Variants in TAF15 observed in about 807,000 individuals in gnomAD.
TAF15 encodes the protein TATA-binding protein-associated factor 2N.
A neutral mutation model predicts 102.5 loss-of-function variants in TAF15; 37 were observed. The ratio of observed to expected loss-of-function variants is 0.36; its 90% confidence interval spans 0.28 to 0.47. TAF15 has a LOEUF of 0.47. Ranked by LOEUF, TAF15 falls within the 20% of genes least tolerant of loss-of-function variation. TAF15 has a pLI of 0.99. For missense variants in TAF15, 652 were observed against 760.7 expected (o/e 0.86, Z 1.68); for synonymous variants, 273 against 259.2 (o/e 1.05, Z -0.51).
chr17:35,830,722 A>G (rs1266202850), intron 7 of TAF15, among the ~76,000 whole-genome samples: 1 of 152,258 alleles, frequency 6.6e-6, no homozygotes, highest in African/African-American at 2.4e-5. Flanking sequence ...ATCTAGATCA[A>G]TGCCTAAACC....
chr17:35,825,979 G>C (rs1387479895), intron 7 of TAF15, among the ~76,000 whole-genome samples: 1 of 151,856 alleles, frequency 6.6e-6, no homozygotes, highest in African/African-American at 2.4e-5. Context: ...AAAAAAAAAT[G>C]TATTTTCATT....
At position 35,845,021 on chromosome 17, in the gene TAF15, A is replaced by G. The variant is rs1199777076; in HGVS notation, c.1722A>G (p.Gly574=). The change falls in exon 15 of 16, where the codon GGA becomes GGG. Residue 574 remains glycine, a synonymous_variant. Transcript: ENST00000605844. ...GGYGGDRGGY[G]GKMGGRNDYR... ...ACGGAGGAGACCGAGGTGGCTATGG[A>G]GGCAAAATGGGAGGAAGGTGAGTAT... is the stretch of plus-strand genomic sequence containing the variant. The G allele has an allele frequency of 2.5e-6, 4 of 1,613,726 alleles. No homozygotes were observed. In the Admixed American group the frequency reaches 5.0e-5, roughly 20 times the overall value.
intron 7 of TAF15, among the ~76,000 whole-genome samples, chr17:35,832,046 T>C (rs562663049): frequency 1.3e-5 from 2 of 152,126 alleles, no homozygotes; most frequent in Non-Finnish European, 2.9e-5. Context: ...CCACTGCACT[T>C]CAGCCTGGGC....
At position 35,832,812 on chromosome 17, in the gene TAF15, C is replaced by T. The variant is rs192289838; in HGVS notation, c.606-1095C>T. 1.6e-4 allele frequency among the ~76,000 whole-genome samples: 24 copies of T among 152,150 alleles called. No individual in the cohort carries two copies. The East Asian group carries it at 3.9e-3, about 24-fold the overall frequency. ...GATAAGAGAGACCTTAGATTTCTTA[C>T]GTAAAGCCATGTTCACAAGGACCAC... is the stretch of plus-strand genomic sequence containing the variant. On this transcript the variant is annotated intron_variant, in intron 7 of 15. Coordinates refer to ENST00000605844, the MANE Select transcript of TAF15 (RefSeq NM_139215.3).
intron 1 of TAF15, among the ~76,000 whole-genome samples, chr17:35,813,037 G>T (rs987592237): frequency 2.1e-5 from 3 of 144,214 alleles, no homozygotes; most frequent in African/African-American, 7.8e-5. Flanking sequence ...TGAGGCACCA[G>T]AATTGGTTGA....
At chr17:35,814,870 G>T (rs1168034527) in intron 1 of TAF15, among the ~76,000 whole-genome samples, 5 of 150,712 alleles carry the variant, frequency 3.3e-5, no homozygotes, top group Non-Finnish European at 7.4e-5. Context: ...AAAAGTGTGT[G>T]TGTATATATA....
At chr17:35,837,336 T>TA (rs900477514) in intron 10 of TAF15, among the ~76,000 whole-genome samples, 5 of 150,668 alleles carry the variant, frequency 3.3e-5, no homozygotes, top group African/African-American at 1.2e-4. Flanking sequence ...TTTTTTTTTT[T>TA]AGAGATGGAG....
Position 35,809,566 on chromosome 17 carries a change from A to T in TAF15, c.-4A>T. 1 of 1,613,370 alleles carries T rather than the reference A, an allele frequency of 6.2e-7. No homozygotes were observed. Among genetic ancestry groups the T allele is most frequent in the South Asian group, 1.1e-5 (1 of 91,066 alleles). ...GTGGGGCCTCCGCGCCGCGGCCGTTAGTCATGTCGGGTAGGTGACTTCTTC... is the reference window on the plus strand; with the variant it reads ...GTGGGGCCTCCGCGCCGCGGCCGTTTGTCATGTCGGGTAGGTGACTTCTTC... On this transcript the variant is annotated 5_prime_UTR_variant, in exon 1 of 16. Transcript: ENST00000605844.
rs183210484 is a variant in TAF15, at chr17:35,841,769, C to T, written c.914-598C>T. On this transcript the variant is annotated intron_variant, in intron 11 of 15. Transcript: ENST00000605844. Reference sequence around the variant, plus strand: ...CTAGTACACAGTGGCACGAAGATAGCTCACTGCAGCCTTGAATTCCCAGGC... The same window carrying T: ...CTAGTACACAGTGGCACGAAGATAGTTCACTGCAGCCTTGAATTCCCAGGC... Among the ~76,000 whole-genome samples the T allele has an allele frequency of 2.7e-3, 408 of 150,964 alleles. 1 individual carries two copies. The highest frequency in any genetic ancestry group is 4.3e-3 in the Non-Finnish European group (291 of 67,908).
intron 7 of TAF15, among the ~76,000 whole-genome samples, chr17:35,831,893 C>T (rs1307310716): frequency 6.6e-6 from 1 of 151,400 alleles, no homozygotes; most frequent in South Asian, 2.1e-4. Flanking sequence ...CCATCCTGGC[C>T]AACACAGTGA....
intron 12 of TAF15, 145 bp downstream of exon 12, chr17:35,842,604 G>T: frequency 1.5e-6 from 1 of 662,312 alleles, no homozygotes; most frequent in Non-Finnish European, 2.7e-6. Flanking sequence ...TTCAGGTACT[G>T]AATATATTAG....
Position 35,826,119 on chromosome 17 carries a change from A to G in TAF15, c.605+1921A>G, listed in dbSNP as rs981929792. ...TTATAAACCCCTTGCAACATACTTC[A>G]TATAATTTGTGGCCTAGATACTGAC... On this transcript the variant is annotated intron_variant, in intron 7 of 15. Transcript: ENST00000605844. 7.9e-5 allele frequency among the ~76,000 whole-genome samples: 12 copies of G among 152,170 alleles called. No homozygotes were observed. The South Asian group carries it at 1.2e-3, about 16-fold the overall frequency.
chr17:35,845,086 G>A, intron 15 of TAF15, 48 bp downstream of exon 15: 1 of 1,609,550 alleles, frequency 6.2e-7, no homozygotes, highest in Non-Finnish European at 8.5e-7. Context: ...ACTGCACCTA[G>A]ATTGGGGGAT....
chr17:35,822,569 A>G, intron 5 of TAF15, 71 bp from the exon 6 acceptor site: 1 of 1,444,794 alleles, frequency 6.9e-7, no homozygotes, highest in South Asian at 1.2e-5. Context: ...TCTTAACATC[A>G]GTTTCAGCCA....
intron 5 of TAF15, among the ~76,000 whole-genome samples, chr17:35,820,652 A>G (rs541663904): frequency 6.6e-6 from 1 of 152,104 alleles, no homozygotes; most frequent in South Asian, 2.1e-4. Flanking sequence ...TTGTTTAGCT[A>G]TAAATTGATG....
Position 35,822,796 on chromosome 17 carries a change from T to C in TAF15, c.447T>C (p.Tyr149=), listed in dbSNP as rs2087279256. 1 of 1,614,044 alleles carries C rather than the reference T, an allele frequency of 6.2e-7. No individual in the cohort carries two copies. The highest frequency in any genetic ancestry group is 1.3e-5 in the African/African-American group (1 of 74,930). Residue 149 remains tyrosine (Y), a synonymous_variant, in exon 6 of 16, where the codon TAT becomes TAC. Transcript: ENST00000605844. ...CCTATAGTCAAAACCAGCAGTCCTA[T>C]CATTCACAAAGGGAAAACTACAGCC... is the stretch of plus-strand genomic sequence containing the variant. ...HDSYSQNQQS[Y]HSQRENYSHH...
intron 1 of TAF15, 106 bp from the exon 2 acceptor site, chr17:35,817,610 C>T: frequency 1.1e-6 from 1 of 934,698 alleles, no homozygotes; most frequent in Non-Finnish European, 1.7e-6. Flanking sequence ...TTTCTTTCTG[C>T]AGTTCTTTAC....
intron 1 of TAF15, among the ~76,000 whole-genome samples, chr17:35,812,743 C>T (rs780851848): frequency 1.3e-5 from 2 of 151,962 alleles, no homozygotes; most frequent in Non-Finnish European, 2.9e-5. Flanking sequence ...GAGTCAATGA[C>T]AAATAGGATT....
chr17:35,841,842 C>T (rs1048921877), intron 11 of TAF15, among the ~76,000 whole-genome samples: 2 of 151,980 alleles, frequency 1.3e-5, no homozygotes, highest in Non-Finnish European at 2.9e-5. Flanking sequence ...GGACTACAGG[C>T]GCATGCCACC....
Sources: allele counts gnomAD v4.1 joint callset (sites outside exome capture counted in the v4.1 genomes callset), GRCh38; gene constraint gnomAD v4.1.1; transcripts MANE v1.5; gene names NCBI Gene and HGNC (gene_info 2026-07-23, HGNC 2026-07-21).